Variants in CNIH3 observed in about 807,000 individuals in gnomAD.
The protein encoded by CNIH3 is cornichon family AMPA receptor auxiliary protein 3, also known as protein cornichon homolog 3.
In CNIH3, 14 loss-of-function variants were observed where a neutral mutation model predicts 24.1. That is an observed-to-expected ratio of 0.58 (90% CI 0.38 to 0.91). The LOEUF (loss-of-function observed/expected upper bound fraction) is 0.91, where lower values mean the gene tolerates loss of function less well. Among genes scored for constraint, CNIH3 ranks in the 40% least tolerant of loss-of-function variants. CNIH3 has a pLI of 0.00. For synonymous variants in CNIH3, 68 were observed against 73.8 expected (o/e 0.92, Z 0.40); for missense variants, 178 against 196.8 (o/e 0.90, Z 0.57).
chr1:224,646,857 G>T (rs1684629413), intron 1 of CNIH3, among the ~76,000 whole-genome samples: 1 of 152,206 alleles, frequency 6.6e-6, no homozygotes, highest in Non-Finnish European at 1.5e-5. Flanking sequence ...GGTGTCCAGT[G>T]TGTGACATTT....
At chr1:224,462,897 C>CTTTTT (rs71572901) in intron 1 of CNIH3, among the ~76,000 whole-genome samples, 10 of 73,394 alleles carry the variant, frequency 1.4e-4, no homozygotes, top group Admixed American at 2.1e-4. Context: ...ATATGTTTAA[C>CTTTTT]TTTTTTTTTT....
intron 1 of CNIH3, among the ~76,000 whole-genome samples, chr1:224,520,529 C>T (rs1379745093): frequency 6.6e-6 from 1 of 152,190 alleles, no homozygotes; most frequent in African/African-American, 2.4e-5. Context: ...TTAGATTGAA[C>T]CACATGGAAT....
chr1:224,593,074 A>C (rs1474990787), downstream of CNIH3, among the ~76,000 whole-genome samples: 1 of 151,758 alleles, frequency 6.6e-6, no homozygotes, highest in East Asian at 1.9e-4. Flanking sequence ...GACTCTCTGA[A>C]ATGGTCACTT....
At chr1:224,463,790 T>TA (rs1676039734) in intron 1 of CNIH3, among the ~76,000 whole-genome samples, 3 of 121,762 alleles carry the variant, frequency 2.5e-5, no homozygotes, top group African/African-American at 1.0e-4. Flanking sequence ...TTTTTTTTTT[T>TA]TTTTTTTTTT....
chr1:224,711,818 A>AG (rs1688169547), intron 3 of CNIH3, among the ~76,000 whole-genome samples: 1 of 146,698 alleles, frequency 6.8e-6, no homozygotes, highest in African/African-American at 2.5e-5. Context: ...AAAAAAAAAA[A>AG]GAACCAGGAA....
rs1682323486 is a variant in CNIH3, at chr1:224,604,277, G to A, written n.402+38013G>A. Among the ~76,000 whole-genome samples, 1 of 152,208 alleles carries A rather than the reference G, an allele frequency of 6.6e-6. No individual in the cohort carries two copies. Among genetic ancestry groups the A allele is most frequent in the South Asian group, 2.1e-4 (1 of 4,834 alleles). ...GAAATCTTTCAATAGTATAGGAATC[G>A]CTGCAGTTATATTAATGAATATTGG... is the stretch of plus-strand genomic sequence containing the variant. On this transcript the variant is annotated intron_variant and non_coding_transcript_variant, in intron 3 of 7. Coordinates refer to the CNIH3 transcript ENST00000478120. The surrounding 1 kb of genome is among the most constrained non-coding windows in gnomAD (Gnocchi z 4.4).
At chr1:224,710,670 G>A (rs1688090011) in intron 3 of CNIH3, among the ~76,000 whole-genome samples, 1 of 152,084 alleles carries the variant, frequency 6.6e-6, no homozygotes, top group Non-Finnish European at 1.5e-5. Flanking sequence ...TGCCAAGGAG[G>A]GTGCCAAGTG....
chr1:224,674,643 G>T (rs546794749), intron 1 of CNIH3, among the ~76,000 whole-genome samples: 2 of 152,276 alleles, frequency 1.3e-5, no homozygotes, highest in Admixed American at 6.5e-5. Flanking sequence ...AGGCTAGAGG[G>T]TTGGGGCAGC....
intron 3 of CNIH3, among the ~76,000 whole-genome samples, chr1:224,601,230 C>T (rs551688020): frequency 2.0e-5 from 3 of 152,286 alleles, no homozygotes; most frequent in Non-Finnish European, 4.4e-5. Context: ...TGAGGCTTCC[C>T]TTGGGTTGGG....
At chr1:224,692,110 C>G (rs1686960284) in intron 3 of CNIH3, among the ~76,000 whole-genome samples, 1 of 152,248 alleles carries the variant, frequency 6.6e-6, no homozygotes, top group East Asian at 1.9e-4. Flanking sequence ...GTGTGGGTAA[C>G]ATAGTGAGAC....
In CNIH3 at chr1:224,462,709, G is replaced by A. The variant is rs555648905; in HGVS notation, n.203+27847G>A. Among the ~76,000 whole-genome samples, 265 of 137,626 alleles carry A rather than the reference G, an allele frequency of 1.9e-3. 2 individuals carry two copies. Among genetic ancestry groups the A allele is most frequent in the African/African-American group, 6.7e-3 (247 of 36,918 alleles). The allele number at this position is 137,626 out of a possible 152,430, so 90.3% of individuals were successfully genotyped here. A position where few individuals can be genotyped will look rare whatever the true frequency, so the allele number is the denominator to read the frequency against. ...GGCTGAAGGGTGGTGGTGTGATCAC[G>A]GCTCACCAGAGCCTCGACCTCCCAG... On this transcript the variant is annotated intron_variant and non_coding_transcript_variant, in intron 1 of 5. Coordinates refer to the CNIH3 transcript ENST00000471578.
At chr1:224,670,022 A>C (rs2125128947) in intron 1 of CNIH3, among the ~76,000 whole-genome samples, 1 of 151,632 alleles carries the variant, frequency 6.6e-6, no homozygotes. Context: ...CCCATTTTGC[A>C]TTCATAGCAA....
At chr1:224,671,023 C>T (rs1324268024) in intron 1 of CNIH3, among the ~76,000 whole-genome samples, 1 of 152,210 alleles carries the variant, frequency 6.6e-6, no homozygotes, top group Non-Finnish European at 1.5e-5. Context: ...CAACTTCCTC[C>T]GAGCAAGAGG....
In CNIH3 at chr1:224,616,346, GGCA is replaced by G. The variant is rs762433204; in HGVS notation, c.-826_-824del. 3.9e-6 allele frequency: 2 copies of G among 513,156 alleles called. No homozygotes were observed. The highest frequency in any genetic ancestry group is 2.7e-6 in the Non-Finnish European group (1 of 376,894). 31.8% of individuals were successfully genotyped at this position (513,156 alleles called of 1,614,324 possible). A position where few individuals can be genotyped will look rare whatever the true frequency, so the allele number is the denominator to read the frequency against. On this transcript the variant is annotated 5_prime_UTR_variant, in exon 1 of 6. Coordinates refer to ENST00000272133, the MANE Select transcript of CNIH3 (RefSeq NM_152495.2). ...TGGCAAAGGCGGCGGCGGCGGCGGCGGCAGCGGCAGCAGCAGGTGGAGCGAGCT... is the reference window on the plus strand; with the variant it reads ...TGGCAAAGGCGGCGGCGGCGGCGGCGGCGGCAGCAGCAGGTGGAGCGAGCT...
intron 4 of CNIH3, among the ~76,000 whole-genome samples, chr1:224,570,283 A>G (rs968098475): frequency 3.3e-5 from 5 of 152,198 alleles, no homozygotes; most frequent in Non-Finnish European, 5.9e-5. Flanking sequence ...TGTAGTGAGC[A>G]TAGTACCCAA....
rs1307897788 is a variant in CNIH3, at chr1:224,616,599, T to C, written c.-576T>C. The C allele has an allele frequency of 9.1e-6, 9 of 986,582 alleles. No homozygotes were observed. Among genetic ancestry groups the C allele is most frequent in the Non-Finnish European group, 1.1e-5 (9 of 830,894 alleles). The allele number at this position is 986,582 out of a possible 1,614,324, so 61.1% of individuals were successfully genotyped here. ...CCAACGGGACCTACCTCCTCCCGGC[T>C]ACCTAAAGACTCCTTCTCTCGGGAA... On this transcript the variant is annotated 5_prime_UTR_variant, in exon 1 of 6. Coordinates refer to ENST00000272133, the MANE Select transcript of CNIH3 (RefSeq NM_152495.2).
chr1:224,726,282 T>C (rs1689019502), intron 3 of CNIH3, among the ~76,000 whole-genome samples: 1 of 152,212 alleles, frequency 6.6e-6, no homozygotes, highest in Non-Finnish European at 1.5e-5. Flanking sequence ...CAGACTTACA[T>C]GGAGACTGAT....
intron 5 of CNIH3, among the ~76,000 whole-genome samples, chr1:224,735,326 C>T (rs563707929): frequency 6.6e-6 from 1 of 152,252 alleles, no homozygotes; most frequent in Non-Finnish European, 1.5e-5. Context: ...TCAGAACATC[C>T]TAACTAAGCA....
chr1:224,542,700 C>T (rs1257600967), intron 2 of CNIH3, among the ~76,000 whole-genome samples: 2 of 152,154 alleles, frequency 1.3e-5, no homozygotes, highest in Non-Finnish European at 2.9e-5. Context: ...GATTAGGCAG[C>T]CCAAAGACAG....
Sources: gnomAD v4.1 joint callset for allele counts (sites outside exome capture counted in the v4.1 genomes callset) on GRCh38, gnomAD v4.1.1 for gene constraint, Gnocchi (gnomAD v3.1) non-coding constraint, MANE v1.5 for transcripts, NCBI Gene and HGNC (gene_info 2026-07-23, HGNC 2026-07-21) for gene names.